The following CACNA1H variants were observed in gnomAD, a reference collection of about 807,000 sequenced individuals.
The protein encoded by CACNA1H is voltage-dependent T-type calcium channel subunit alpha-1H.
In CACNA1H, 149 loss-of-function variants were observed where a neutral mutation model predicts 192.5. The ratio of observed to expected loss-of-function variants is 0.77; its 90% CI spans 0.68 to 0.89. The LOEUF is 0.89. Ranked by LOEUF, CACNA1H falls within the 40% of genes least tolerant of loss-of-function variation. CACNA1H has a pLI of 0.00. For synonymous variants in CACNA1H, 2,202 were observed against 1,475.2 expected (o/e 1.49, Z -11.29); for missense variants, 4,257 against 3,423.5 (o/e 1.24, Z -6.08).
chr16:1,207,571 G>T, intron 14 of CACNA1H, 141 bp downstream of exon 14: 1 of 1,085,104 alleles, frequency 9.2e-7, no homozygotes, highest in Non-Finnish European at 1.3e-6. Context: ...GAGAGGGGAG[G>T]CCAGGAGCCC....
chr16:1,197,413 GATGTTTACTTTTC>G (rs1228225071), intron 5 of CACNA1H, among the ~76,000 whole-genome samples: 3 of 152,224 alleles, frequency 2.0e-5, no homozygotes, highest in African/African-American at 7.2e-5. Context: ...TCCTTCCATG[GATGTTTACTTTTC>G]AGGTTAAATT....
chr16:1,179,964 T>G (rs1004704042), intron 2 of CACNA1H, among the ~76,000 whole-genome samples: 1 of 151,976 alleles, frequency 6.6e-6, no homozygotes, highest in African/African-American at 2.4e-5. Flanking sequence ...GTTGAACTCC[T>G]GACCTCATGA....
chr16:1,196,830 T>A (rs537324123), intron 5 of CACNA1H, among the ~76,000 whole-genome samples: 5 of 152,206 alleles, frequency 3.3e-5, no homozygotes, highest in Admixed American at 1.3e-4. Context: ...GGTGGGATCG[T>A]TCTTTAAGCA....
At chr16:1,194,001 C>T (rs1242412998) in intron 2 of CACNA1H, among the ~76,000 whole-genome samples, 2 of 152,136 alleles carry the variant, frequency 1.3e-5, no homozygotes, top group African/African-American at 2.4e-5. Context: ...GAGCGTGGCC[C>T]GTGTTGGGCA....
rs942682415 is a variant in CACNA1H at position 1,205,712 on chromosome 16, G to A, written c.2604-392G>A. Among the ~76,000 whole-genome samples, 5 of 152,220 alleles carry A rather than the reference G, an allele frequency of 3.3e-5. No homozygotes were observed. In the South Asian group the frequency reaches 6.2e-4, roughly 19 times the overall value. ...AACGCCCCCGGTCTTCCCCTAGGAG[G>A]ACGCTCATCCCTCAAGAGTAGAGAG... On this transcript the variant is annotated intron_variant, in intron 11 of 34. Transcript: ENST00000348261.
intron 2 of CACNA1H, among the ~76,000 whole-genome samples, chr16:1,175,145 T>C (rs1964750229): frequency 6.6e-6 from 1 of 151,320 alleles, no homozygotes; most frequent in Admixed American, 6.6e-5. Context: ...CCCCACGTAA[T>C]GCCCTACTGT....
intron 15 of CACNA1H, 61 bp downstream of exon 15, chr16:1,207,921 C>T (rs1156786275): frequency 6.5e-7 from 1 of 1,541,264 alleles, no homozygotes; most frequent in Non-Finnish European, 8.8e-7. Flanking sequence ...GCTGGCCGGG[C>T]AGGGCCCCCA....
chr16:1,156,476 T>G (rs1362793363), intron 2 of CACNA1H, among the ~76,000 whole-genome samples: 1 of 152,018 alleles, frequency 6.6e-6, no homozygotes, highest in Non-Finnish European at 1.5e-5. Flanking sequence ...GGGCCATGGC[T>G]GAGGCTTTCC....
intron 2 of CACNA1H, among the ~76,000 whole-genome samples, chr16:1,172,382 C>G (rs1451446841): frequency 6.6e-6 from 1 of 152,128 alleles, no homozygotes; most frequent in Non-Finnish European, 1.5e-5. Flanking sequence ...CACGCCGTCC[C>G]TAGGCTGCCC....
chr16:1,156,159 G>GC (rs1351079352), intron 2 of CACNA1H, among the ~76,000 whole-genome samples: 1 of 152,146 alleles, frequency 6.6e-6, no homozygotes, highest in Non-Finnish European at 1.5e-5. Context: ...CACCCTCCTC[G>GC]CCGCCAGCAC....
chr16:1,175,480 G>T (rs1217259178), intron 2 of CACNA1H, among the ~76,000 whole-genome samples: 1 of 152,156 alleles, frequency 6.6e-6, no homozygotes, highest in African/African-American at 2.4e-5. Context: ...CCCTGGCCTG[G>T]GCTGGATGCA....
chr16:1,195,104 T>A, intron 3 of CACNA1H, 21 bp downstream of exon 3: 1 of 1,072,182 alleles, frequency 9.3e-7, no homozygotes, highest in Non-Finnish European at 1.2e-6. Context: ...TGGGTCGGGG[T>A]GGGGAAGGAG....
intron 30 of CACNA1H, 72 bp from the exon 31 acceptor site, chr16:1,216,860 G>C: frequency 8.0e-7 from 1 of 1,254,592 alleles, no homozygotes; most frequent in Non-Finnish European, 1.1e-6. Context: ...CCGAGGCGCC[G>C]AGTGCCCTGC....
chr16:1,200,377 C>A lies in CACNA1H; in HGVS notation c.925C>A (p.Arg309Ser). The change falls in exon 7 of 35, where the codon CGC (arginine) becomes AGC (serine). Residue 309 changes from arginine to serine, a missense_variant. Physicochemically the swap from Arg to Ser is moderately radical, Grantham distance 110 (BLOSUM62 -1). Transcript: ENST00000348261. The stretch of plus-strand genomic sequence containing the variant: ...GAAGTGCTCGCACATCCCCGGCCGC[C>A]GCGAGCTGCGCATGCCCTGCACCCT... The part of the protein sequence containing the change: ...MQKCSHIPGR[R>S]ELRMPCTLGW... The A allele has an allele frequency of 6.2e-7, 1 of 1,601,424 alleles. No individual in the cohort carries two copies. The highest frequency in any genetic ancestry group is 8.5e-7 in the Non-Finnish European group (1 of 1,174,866).
At chr16:1,206,505 G>A (rs568206736) in intron 12 of CACNA1H, 3 of 574,074 alleles carry the variant, frequency 5.2e-6, no homozygotes, top group Admixed American at 6.3e-5. Flanking sequence ...GATGGCAGGG[G>A]TCAGAGATGG....
At position 1,208,056 on chromosome 16, in the gene CACNA1H, G is replaced by A. The variant is rs1404391767; in HGVS notation, c.3198G>A (p.Leu1066=). Reference sequence around the variant, plus strand: ...TGGCCGTGACCCCCAACGGGCACCTGGAGGGACGAGGCAGCCTGTCCCCTC... The same window carrying A: ...TGGCCGTGACCCCCAACGGGCACCTAGAGGGACGAGGCAGCCTGTCCCCTC... The part of the protein sequence containing the change: ...CSLAVTPNGH[L]EGRGSLSPPL... Residue 1066 remains leucine (L), a synonymous_variant, in exon 16 of 35, where the codon CTG becomes CTA. Transcript: ENST00000348261. 1.2e-6 allele frequency: 2 copies of A among 1,606,718 alleles called. No individual in the cohort carries two copies. The highest frequency in any genetic ancestry group is 4.5e-5 in the East Asian group (2 of 44,570).
chr16:1,203,755 GGTTTCT>G (rs1968293881), intron 9 of CACNA1H, among the ~76,000 whole-genome samples: 2 of 152,228 alleles, frequency 1.3e-5, no homozygotes, highest in East Asian at 3.9e-4. Flanking sequence ...ATGGCTCTTT[GGTTTCT>G]TCTTATTGGA....
chr16:1,209,297 C>A lies in CACNA1H; in HGVS notation c.3629C>A (p.Pro1210Gln). ...CGGCCCCTGCGGCCGGCCGCCCTCC[C>A]GCCTACCAAGTGCCGCGATCGCGAC... ...DPRPLRPAAL[P>Q]PTKCRDRDGQ... Residue 1210 changes from proline to glutamine, a missense_variant, in exon 17 of 35, where the codon CCG (proline) becomes CAG (glutamine). Transcript: ENST00000348261. The A allele has an allele frequency of 6.3e-7, 1 of 1,588,932 alleles. No individual in the cohort carries two copies. The highest frequency in any genetic ancestry group is 8.5e-7 in the Non-Finnish European group (1 of 1,174,558).
At chr16:1,210,687 G>T (rs764949860) in intron 20 of CACNA1H, 36 bp downstream of exon 20, 2 of 1,592,380 alleles carry the variant, frequency 1.3e-6, no homozygotes, top group African/African-American at 1.3e-5. Flanking sequence ...TTGTTCCCAG[G>T]TCCCCGTTCT....
Sources: gnomAD v4.1 joint callset for allele counts (sites outside exome capture counted in the v4.1 genomes callset) on GRCh38, gnomAD v4.1.1 for gene constraint, MANE v1.5 for transcripts, NCBI Gene and HGNC (gene_info 2026-07-23, HGNC 2026-07-21) for gene names.